The following GOLT1B variants were observed in gnomAD, a reference collection of about 807,000 sequenced individuals.
The protein encoded by GOLT1B is golgi transport 1B, also known as vesicle transport protein GOT1B.
Under a neutral mutation model 15.4 loss-of-function variants are expected in GOLT1B, and 3 were observed. The ratio of observed to expected loss-of-function variants is 0.19; its 90% confidence interval spans 0.09 to 0.50. GOLT1B has a LOEUF of 0.50. GOLT1B is among the 20% of genes least tolerant of loss of function. GOLT1B has a pLI of 0.97. For missense variants in GOLT1B, 145 were observed against 160.4 expected, an observed-to-expected ratio of 0.90 and a Z score of 0.52; for synonymous variants, 65 against 56.2, an observed-to-expected ratio of 1.16 and a Z score of -0.70.
At chr12:21,514,743 G>A (rs1329474889) in intron 4 of GOLT1B, among the ~76,000 whole-genome samples, 1 of 152,148 alleles carries the variant, frequency 6.6e-6, no homozygotes, top group Non-Finnish European at 1.5e-5. Flanking sequence ...TTACAGAGTT[G>A]TAATCATTAT....
Position 21,515,747 on chromosome 12 carries a change from A to G in GOLT1B, c.*40A>G, listed in dbSNP as rs1436006378. On this transcript the variant is annotated 3_prime_UTR_variant, in exon 5 of 5. Transcript: ENST00000229314. ...GAAGACTCATTTAAAATATTGTGTT[A>G]TTTATAAAGTCATTTGAAGAATATT... 5 of 886,394 alleles carry G rather than the reference A, an allele frequency of 5.6e-6. No homozygotes were observed. The highest frequency in any genetic ancestry group is 9.2e-6 in the Non-Finnish European group (5 of 541,416). The allele number at this position is 886,394 out of a possible 1,614,324, so 54.9% of individuals were successfully genotyped here.
chr12:21,515,209 T>A, intron 4 of GOLT1B: 1 of 1,279,566 alleles, frequency 7.8e-7, no homozygotes, highest in Non-Finnish European at 1.1e-6. Flanking sequence ...ACTATTGAAC[T>A]TAATGGAGTT....
chr12:21,506,380 A>C (rs1943678760), intron 1 of GOLT1B, among the ~76,000 whole-genome samples: 1 of 152,056 alleles, frequency 6.6e-6, no homozygotes, highest in South Asian at 2.1e-4. Flanking sequence ...GCAGTATATA[A>C]TTGGATAAAG....
intron 4 of GOLT1B, among the ~76,000 whole-genome samples, chr12:21,514,636 G>A (rs1943742953): frequency 6.6e-6 from 1 of 152,044 alleles, no homozygotes. Flanking sequence ...GGCTTATAGG[G>A]GTATACTCTG....
At chr12:21,507,042 T>C in intron 2 of GOLT1B, 66 bp downstream of exon 2, 1 of 706,810 alleles carries the variant, frequency 1.4e-6, no homozygotes, top group South Asian at 1.6e-5. Context: ...TGAATTATTA[T>C]CTGCTATTAA....
chr12:21,512,521 G>A, intron 4 of GOLT1B, 145 bp downstream of exon 4: 1 of 548,510 alleles, frequency 1.8e-6, no homozygotes, highest in Non-Finnish European at 3.3e-6. Context: ...GTACCATGAA[G>A]ACCAAAAAAT....
At position 21,512,333 on chromosome 12, in the gene GOLT1B, T is replaced by A. The variant is rs1943726134; in HGVS notation, c.335T>A (p.Val112Glu). ...GTCGTTGTTGGCTTTATTAGAAGAG[T>A]GCCAGTCCTTGGATCCCTCCTAAAT... ...FPVVVGFIRR[V>E]PVLGSLLNLP... The change falls in exon 4 of 5, where the codon GTG (valine) becomes GAG (glutamate). Residue 112 changes from valine (V) to glutamate (E), a missense_variant. Transcript: ENST00000229314. 6.3e-7 allele frequency: 1 copy of A among 1,581,344 alleles called. No individual in the cohort carries two copies. The highest frequency in any genetic ancestry group is 8.7e-7 in the Non-Finnish European group (1 of 1,150,550).
chr12:21,512,661 A>AT (rs1943728363), intron 4 of GOLT1B, among the ~76,000 whole-genome samples: 1 of 152,154 alleles, frequency 6.6e-6, no homozygotes, highest in South Asian at 2.1e-4. Flanking sequence ...AGTTCAGGGC[A>AT]TTTTTTATTT....
At chr12:21,509,148 C>G (rs1254602028) in intron 3 of GOLT1B, among the ~76,000 whole-genome samples, 1 of 151,888 alleles carries the variant, frequency 6.6e-6, no homozygotes, top group Non-Finnish European at 1.5e-5. Flanking sequence ...CCTGTAATCC[C>G]AGCACTTTGG....
Position 21,501,967 on chromosome 12 carries a change from GC to G in GOLT1B, c.25+24del. The G allele has an allele frequency of 4.4e-6, 7 of 1,592,432 alleles. No individual in the cohort carries two copies. Among genetic ancestry groups the G allele is most frequent in the Non-Finnish European group, 6.0e-6 (7 of 1,161,208 alleles). ...ACGCAGAGTAAGCACCTGCTCCGGG[GC>G]CCCCGCCTCGAGCCGCGCACACCCA... On this transcript the variant is annotated intron_variant, in intron 1 of 4. Transcript: ENST00000229314.
At position 21,512,393 on chromosome 12, in the gene GOLT1B, A is replaced by G. The variant is rs758797803; in HGVS notation, c.378+17A>G. The G allele has an allele frequency of 4.9e-5, 56 of 1,135,164 alleles. No individual in the cohort carries two copies. Among genetic ancestry groups the G allele is most frequent in the Admixed American group, 2.9e-4 (16 of 55,662 alleles). The allele number at this position is 1,135,164 out of a possible 1,614,324, so 70.3% of individuals were successfully genotyped here. A position where few individuals can be genotyped will look rare whatever the true frequency, so the allele number is the denominator to read the frequency against. On this transcript the variant is annotated intron_variant, in intron 4 of 4. Coordinates refer to ENST00000229314, the MANE Select transcript of GOLT1B (RefSeq NM_016072.5). ...ATTAGATCAGTAAGTAATCATGTAT[A>G]TTTTAGGCCAACAAAATACGTATTT...
At chr12:21,513,585 T>TTAC (rs889291801) in intron 4 of GOLT1B, among the ~76,000 whole-genome samples, 7 of 151,958 alleles carry the variant, frequency 4.6e-5, no homozygotes, top group African/African-American at 1.7e-4. Flanking sequence ...AGTGCTGGGA[T>TTAC]TACAGGTGTG....
Position 21,515,655 on chromosome 12 carries a change from T to A in GOLT1B, c.379-14T>A, listed in dbSNP as rs1943750495. On this transcript the variant is annotated splice_polypyrimidine_tract_variant and intron_variant, in intron 4 of 4. Transcript: ENST00000229314. ...CGGGCTTTCTTTAATTCTCTGTTTT[T>A]CTTCTCCTTACAGTTTGTAGATAAA... is the stretch of plus-strand genomic sequence containing the variant. The A allele has an allele frequency of 2.3e-6, 3 of 1,302,912 alleles. No individual in the cohort carries two copies. The allele number at this position is 1,302,912 out of a possible 1,614,324, so 80.7% of individuals were successfully genotyped here.
intron 4 of GOLT1B, chr12:21,515,247 G>T (rs1387405115): frequency 6.8e-7 from 1 of 1,461,676 alleles, no homozygotes; most frequent in Non-Finnish European, 9.2e-7. Context: ...GACTACATAG[G>T]CCCAGAAGAG....
At chr12:21,511,161 G>C (rs934908167) in intron 3 of GOLT1B, among the ~76,000 whole-genome samples, 4 of 152,170 alleles carry the variant, frequency 2.6e-5, no homozygotes, top group African/African-American at 7.2e-5. Flanking sequence ...TGACTGATCA[G>C]CTCTAAGTTG....
At chr12:21,515,221 A>C in intron 4 of GOLT1B, 1 of 1,377,692 alleles carries the variant, frequency 7.3e-7, no homozygotes, top group Non-Finnish European at 9.9e-7. Context: ...AATGGAGTTA[A>C]ATCTGTTTGT....
chr12:21,513,130 G>T lies in GOLT1B; in HGVS notation c.378+754G>T, dbSNP rs574819058. Reference sequence around the variant, plus strand: ...GCACTATTATACTGGGATTCAGATGGTAAGAGTCTATTCCCAGCTCTGTTT... The same window carrying T: ...GCACTATTATACTGGGATTCAGATGTTAAGAGTCTATTCCCAGCTCTGTTT... On this transcript the variant is annotated intron_variant, in intron 4 of 4. Coordinates refer to ENST00000229314, the MANE Select transcript of GOLT1B (RefSeq NM_016072.5). Among the ~76,000 whole-genome samples the T allele has an allele frequency of 5.9e-5, 9 of 151,550 alleles. 1 individual carries two copies. The East Asian group carries it at 1.8e-3, about 30-fold the overall frequency.
Position 21,502,401 on chromosome 12 carries a change from T to C in GOLT1B, c.25+453T>C, listed in dbSNP as rs556167328. Among the ~76,000 whole-genome samples the C allele has an allele frequency of 8.1e-4, 123 of 152,328 alleles. 3 individuals carry two copies. The South Asian group carries it at 0.025, about 30-fold the overall frequency. ...TATTTGGGAGGCGGTATTTTAAATG[T>C]CACCTACAGTAGGCTCTTTTTGAAA... On this transcript the variant is annotated intron_variant, in intron 1 of 4. Transcript: ENST00000229314.
Position 21,512,430 on chromosome 12 carries a change from A to G in GOLT1B, c.378+54A>G, listed in dbSNP as rs540854991. The G allele has an allele frequency of 3.6e-5, 31 of 853,778 alleles. 1 individual carries two copies. The East Asian group carries it at 5.6e-4, about 15-fold the overall frequency. 52.9% of individuals were successfully genotyped at this position (853,778 alleles called of 1,614,324 possible). On this transcript the variant is annotated intron_variant, in intron 4 of 4. Transcript: ENST00000229314. ...CAAAATACGTATTTTGATGCTTTTT[A>G]CTTCTAGAAATTTGAGTAATTGATA...
Sources: allele counts gnomAD v4.1 joint callset (sites outside exome capture counted in the v4.1 genomes callset), GRCh38; gene constraint gnomAD v4.1.1; transcripts MANE v1.5; gene names NCBI Gene and HGNC (gene_info 2026-07-23, HGNC 2026-07-21).